PARP9: variants seen among roughly 807,000 people sequenced by gnomAD.
PARP9 encodes the protein poly(ADP-ribose) polymerase family member 9, also known as protein mono-ADP-ribosyltransferase PARP9.
A neutral mutation model predicts 68.8 loss-of-function variants in PARP9; 48 were observed. That is an observed-to-expected ratio of 0.70 (90% CI 0.55 to 0.89). The LOEUF is 0.89. Among genes scored for constraint, PARP9 ranks in the 40% least tolerant of loss-of-function variants. The pLI, the probability that PARP9 is intolerant of heterozygous loss-of-function variation, is 0.00. For missense variants in PARP9, 806 were observed against 969.3 expected (o/e 0.83, Z 2.24); for synonymous variants, 309 against 333.8 (o/e 0.93, Z 0.81).
intron 9 of PARP9, 145 bp downstream of exon 9, chr3:122,536,789 G>C: frequency 3.1e-6 from 3 of 962,024 alleles, no homozygotes; most frequent in Non-Finnish European, 4.6e-6. Flanking sequence ...GCCCTGCCCT[G>C]CTCTCTTTTC....
chr3:122,536,475 A>T (rs924136398), intron 9 of PARP9, 133 bp from the exon 10 acceptor site: 1 of 1,424,856 alleles, frequency 7.0e-7, no homozygotes, highest in African/African-American at 1.4e-5. Context: ...TTTCATAGAA[A>T]GTTGCAAAAG....
intron 7 of PARP9, among the ~76,000 whole-genome samples, chr3:122,543,928 T>G (rs986662063): frequency 6.6e-6 from 1 of 152,264 alleles, no homozygotes; most frequent in African/African-American, 2.4e-5. Flanking sequence ...ATCTCCATGT[T>G]AATTATTGTC....
At chr3:122,528,935 C>T (rs2077103952) in intron 10 of PARP9, among the ~76,000 whole-genome samples, 192 bp from the exon 11 acceptor site, 1 of 152,034 alleles carries the variant, frequency 6.6e-6, no homozygotes, top group Non-Finnish European at 1.5e-5. Context: ...CCATCAACAT[C>T]ATAATAACTT....
At chr3:122,545,911 A>G (rs940579505) in intron 6 of PARP9, 5 of 166,984 alleles carry the variant, frequency 3.0e-5, no homozygotes, top group Non-Finnish European at 1.3e-5. Context: ...ATTGAATAAT[A>G]AAATAATCTG....
rs746173257 is a variant in PARP9 at position 122,555,677 on chromosome 3, C to T, written c.494G>A (p.Arg165Gln). 1.1e-4 allele frequency: 170 copies of T among 1,613,972 alleles called. No homozygotes were observed. The highest frequency in any genetic ancestry group is 1.3e-4 in the Non-Finnish European group (155 of 1,180,026). ...TCCCTGTTTATCCCATTCCATCCAC[C>T]GAGGCCCAACAGCATGGATGATCTG... ...CKQIIHAVGP[R>Q]WMEWDKQGCT... The change falls in exon 4 of 11, where the codon CGG (arginine) becomes CAG (glutamine). Residue 165 changes from arginine to glutamine, a missense_variant. By Grantham distance (43) the Arg-to-Gln change is conservative. Transcript: ENST00000682323.
chr3:122,539,947 T>A (rs2078064466), intron 8 of PARP9, among the ~76,000 whole-genome samples: 2 of 152,196 alleles, frequency 1.3e-5, no homozygotes, highest in Admixed American at 1.3e-4. Flanking sequence ...AATTCCCACG[T>A]GTATCCTGAT....
intron 10 of PARP9, chr3:122,535,310 T>C: frequency 1.0e-6 from 1 of 985,408 alleles, no homozygotes; most frequent in Middle Eastern, 5.2e-4. Flanking sequence ...TTACCCCAAG[T>C]TTTGCCTATG....
chr3:122,540,468 T>A lies in PARP9; in HGVS notation c.1765+4A>T. The A allele has an allele frequency of 6.2e-7, 1 of 1,608,690 alleles. No homozygotes were observed. The highest frequency in any genetic ancestry group is 8.5e-7 in the Non-Finnish European group (1 of 1,177,286). On this transcript the variant is annotated splice_donor_region_variant and intron_variant, in intron 8 of 10. Coordinates refer to ENST00000682323, the MANE Select transcript of PARP9 (RefSeq NM_001146105.2). ...ACTTTCTAATTTGATAGAAAGTTAC[T>A]CACCTAACGAGCGCCAAAGGCCTCG...
chr3:122,564,632 G>C, upstream of PARP9: 1 of 1,579,586 alleles, frequency 6.3e-7, no homozygotes, highest in Non-Finnish European at 8.6e-7. Flanking sequence ...CGGGCGGCCA[G>C]GCTGCGAAAG....
At chr3:122,559,029 A>C (rs1013801973) in intron 2 of PARP9, among the ~76,000 whole-genome samples, 11 of 152,222 alleles carry the variant, frequency 7.2e-5, no homozygotes, top group Admixed American at 7.2e-4. Flanking sequence ...AGTGCATCTC[A>C]TTCTAATTCA....
At chr3:122,564,532 T>A (rs1264050558), upstream of PARP9, 1 of 1,610,898 alleles carries the variant, frequency 6.2e-7, no homozygotes. Flanking sequence ...CTCTAAGTCC[T>A]CGGGCGGCGG....
At chr3:122,555,188 G>A in intron 4 of PARP9, 98 bp downstream of exon 4, 1 of 1,200,352 alleles carries the variant, frequency 8.3e-7, no homozygotes, top group Admixed American at 2.5e-5. Flanking sequence ...ATCCAAACAA[G>A]ATGGTTTCTA....
At position 122,556,086 on chromosome 3, in the gene PARP9, T is replaced by A. The variant is rs1328642403; in HGVS notation, c.85A>T (p.Ile29Phe). 3.9e-6 allele frequency: 6 copies of A among 1,541,500 alleles called. No homozygotes were observed. Among genetic ancestry groups the A allele is most frequent in the Non-Finnish European group, 5.3e-6 (6 of 1,138,176 alleles). Reference sequence around the variant, plus strand: ...TTGAAGTCATTGTGGTTAATGGGAATTTGCCAACTATAGTTTTCTCCAAGA... The same window carrying A: ...TTGAAGTCATTGTGGTTAATGGGAAATTGCCAACTATAGTTTTCTCCAAGA... ...GALGENYSWQ[I>F]PINHNDFKIL... is the part of the protein sequence containing the mutation. The change falls in exon 4 of 11, where the codon ATT becomes TTT. Residue 29 changes from isoleucine (I) to phenylalanine (F), a missense_variant. Physicochemically the swap from Ile to Phe is conservative, Grantham distance 21 (BLOSUM62 0). Transcript: ENST00000682323.
intron 1 of PARP9, among the ~76,000 whole-genome samples, chr3:122,561,622 A>G (rs1374033692): frequency 1.3e-5 from 2 of 152,018 alleles, no homozygotes; most frequent in Non-Finnish European, 2.9e-5. Flanking sequence ...TGGTTCTTCT[A>G]TTACCCTTCA....
chr3:122,550,035 C>A (rs1286650899), intron 6 of PARP9, among the ~76,000 whole-genome samples: 1 of 152,174 alleles, frequency 6.6e-6, no homozygotes, highest in Non-Finnish European at 1.5e-5. Flanking sequence ...AAAGAAAAGA[C>A]AGAAGCTAGG....
chr3:122,548,175 T>C (rs1576416851), intron 6 of PARP9, among the ~76,000 whole-genome samples: 1 of 152,070 alleles, frequency 6.6e-6, no homozygotes, highest in East Asian at 1.9e-4. Flanking sequence ...GCTACAAATC[T>C]CCCCGTGTTT....
At chr3:122,551,155 T>A (rs2079171243) in intron 5 of PARP9, among the ~76,000 whole-genome samples, 1 of 152,204 alleles carries the variant, frequency 6.6e-6, no homozygotes, top group African/African-American at 2.4e-5. Context: ...GCCCTTGAAT[T>A]TTCATAAAGG....
chr3:122,533,985 C>G, intron 10 of PARP9: 5 of 985,436 alleles, frequency 5.1e-6, no homozygotes, highest in Non-Finnish European at 6.0e-6. Context: ...CTGGCACCTT[C>G]TGTTAAGAGT....
At chr3:122,540,900 T>G (rs776072989) in intron 7 of PARP9, 48 bp from the exon 8 acceptor site, 8 of 1,537,890 alleles carry the variant, frequency 5.2e-6, no homozygotes, top group Admixed American at 4.2e-5. Context: ...AGTTTTTTGT[T>G]TTTTTTTTGA....
Sources: gnomAD v4.1 joint callset for allele counts (sites outside exome capture counted in the v4.1 genomes callset) on GRCh38, gnomAD v4.1.1 for gene constraint, MANE v1.5 for transcripts, NCBI Gene and HGNC (gene_info 2026-07-23, HGNC 2026-07-21) for gene names.